Variants in FAAH2 observed in about 807,000 individuals in gnomAD.
FAAH2 encodes fatty acid amide hydrolase 2.
A neutral mutation model predicts 36.9 loss-of-function variants in FAAH2; 60 were observed. That is an observed-to-expected ratio of 1.63 (90% confidence interval 1.32 to 2.02). FAAH2 has a LOEUF of 2.02. FAAH2 is among the 30% of genes most tolerant of loss of function. The probability of loss-of-function intolerance (pLI) is 0.00; values close to 1 mark genes in which losing one functional copy is unlikely to be tolerated. For synonymous variants in FAAH2, 214 were observed against 143.8 expected, an observed-to-expected ratio of 1.49 and a Z score of -3.49; for missense variants, 689 against 397.5, an observed-to-expected ratio of 1.73 and a Z score of -6.23.
At chrX:57,191,456 AT>A in the FAAH2 span, among the ~76,000 whole-genome samples, 5 of 109,728 alleles carry the variant, frequency 4.6e-5, no homozygotes, top group African/African-American at 1.7e-4. Context: ...TCAATTTTTT[AT>A]TTTTTTTCGC....
At chrX:57,263,732 C>T in the FAAH2 span, among the ~76,000 whole-genome samples, 1 of 110,886 alleles carries the variant, frequency 9.0e-6, no homozygotes, top group Non-Finnish European at 1.9e-5. Flanking sequence ...TCTATTATAC[C>T]TAAATAAATC....
chrX:57,473,188 G>A (rs778087301), intron 10 of FAAH2, among the ~76,000 whole-genome samples: 1 of 110,858 alleles, frequency 9.0e-6, no homozygotes, highest in Non-Finnish European at 1.9e-5. Context: ...TTTCGTTTTA[G>A]CACTTTTTTG....
intron 7 of FAAH2, among the ~76,000 whole-genome samples, chrX:57,392,001 T>C (rs1480300105): frequency 3.6e-5 from 4 of 111,349 alleles, no homozygotes; most frequent in Admixed American, 9.6e-5. Context: ...CAGTGTTTTG[T>C]ATTTCTCCTT....
chrX:57,356,580 T>C (rs1399315260), intron 5 of FAAH2, among the ~76,000 whole-genome samples: 4 of 110,683 alleles, frequency 3.6e-5, no homozygotes, highest in Non-Finnish European at 7.6e-5. Context: ...TTTTTATTTC[T>C]GTGGCATCAT....
At chrX:57,306,690 TTGTGTGTGTGTGTG>T (rs758466450) in intron 2 of FAAH2, among the ~76,000 whole-genome samples, 3 of 68,608 alleles carry the variant, frequency 4.4e-5, no homozygotes, top group African/African-American at 6.3e-5. Flanking sequence ...TAGCAACATC[TTGTGTGTGTGTGTG>T]TGTGTGTGTG....
At chrX:57,212,075 T>C in the FAAH2 span, among the ~76,000 whole-genome samples, 1 of 110,942 alleles carries the variant, frequency 9.0e-6, no homozygotes, top group Non-Finnish European at 1.9e-5. Flanking sequence ...GTCTCTACAG[T>C]TTTTTAATTA....
At chrX:57,374,810 A>G (rs1318867265) in intron 5 of FAAH2, among the ~76,000 whole-genome samples, 1 of 110,773 alleles carries the variant, frequency 9.0e-6, no homozygotes, top group Non-Finnish European at 1.9e-5. Context: ...AATGCTTTCT[A>G]CTTTTCCCCG....
intron 5 of FAAH2, among the ~76,000 whole-genome samples, chrX:57,367,450 A>C (rs1040243454): frequency 8.9e-6 from 1 of 112,602 alleles, no homozygotes; most frequent in Non-Finnish European, 1.9e-5. Context: ...AAATAAAAAC[A>C]AAAGTTACAA....
chrX:57,272,379 A>G, the FAAH2 span, among the ~76,000 whole-genome samples: 29 of 111,487 alleles, frequency 2.6e-4, no homozygotes, highest in African/African-American at 9.5e-4. Context: ...AGACAGGACA[A>G]CATTCAAATT....
intron 5 of FAAH2, among the ~76,000 whole-genome samples, chrX:57,355,945 G>A (rs905011167): frequency 9.0e-6 from 1 of 110,902 alleles, no homozygotes; most frequent in Admixed American, 9.6e-5. Context: ...TTATTATGTT[G>A]AGGCAATTAT....
At chrX:57,151,277 G>C in the FAAH2 span, among the ~76,000 whole-genome samples, 1 of 111,028 alleles carries the variant, frequency 9.0e-6, no homozygotes, top group Non-Finnish European at 1.9e-5. Flanking sequence ...TTGTGGCATT[G>C]TCTGTATTTC....
In FAAH2 at chrX:57,342,455, A is replaced by G. The variant is rs144695070; in HGVS notation, c.742+1065A>G. 3.0e-3 allele frequency among the ~76,000 whole-genome samples: 334 copies of G among 111,479 alleles called. 3 individuals are homozygous for G. Among genetic ancestry groups the G allele is most frequent in the Non-Finnish European group, 5.7e-3 (304 of 53,008 alleles). ...ATACCTGGATGATGAAATAGTCTGT[A>G]GAACAAACCCCCATGACACGTTTAC... On this transcript the variant is annotated intron_variant, in intron 5 of 10. Coordinates refer to ENST00000374900, the MANE Select transcript of FAAH2 (RefSeq NM_174912.4).
intron 7 of FAAH2, among the ~76,000 whole-genome samples, chrX:57,402,721 A>G (rs936433282): frequency 1.3e-4 from 14 of 111,876 alleles, no homozygotes; most frequent in African/African-American, 4.5e-4. Flanking sequence ...AATAATTTAT[A>G]GGCTTCTTCC....
the FAAH2 span, among the ~76,000 whole-genome samples, chrX:57,265,798 G>T: frequency 9.0e-6 from 1 of 111,620 alleles, no homozygotes; most frequent in African/African-American, 3.3e-5. Context: ...GCCAACCTGG[G>T]GTGGAAGTGG....
intron 5 of FAAH2, among the ~76,000 whole-genome samples, chrX:57,359,770 A>C (rs2054244028): frequency 9.0e-6 from 1 of 111,265 alleles, no homozygotes; most frequent in African/African-American, 3.3e-5. Context: ...TACCTCTACC[A>C]GAGATCTTTG....
intron 10 of FAAH2, among the ~76,000 whole-genome samples, chrX:57,483,293 G>A (rs1377265128): frequency 2.7e-5 from 3 of 110,888 alleles, no homozygotes; most frequent in Admixed American, 9.6e-5. Context: ...CTTCTACTTG[G>A]TCTAGTCTAT....
chrX:57,215,276 C>A, the FAAH2 span, among the ~76,000 whole-genome samples: 2 of 111,147 alleles, frequency 1.8e-5, no homozygotes, highest in Non-Finnish European at 3.8e-5. Flanking sequence ...TACCATCTCA[C>A]GCCAGTCAGA....
At chrX:57,132,249 A>G in the FAAH2 span, among the ~76,000 whole-genome samples, 1 of 112,276 alleles carries the variant, frequency 8.9e-6, no homozygotes, top group Non-Finnish European at 1.9e-5. Flanking sequence ...CTGTTGGCCC[A>G]TTGCCAAAAT....
rs199916519 is a variant in FAAH2 at position 57,306,976 on chromosome X, TACAC to T, written c.276-3603_276-3600del. 4.8e-4 allele frequency among the ~76,000 whole-genome samples: 28 copies of T among 58,729 alleles called. 1 individual carries two copies. Among genetic ancestry groups the T allele is most frequent in the African/African-American group, 1.5e-3 (27 of 17,921 alleles). The allele number at this position is 58,729 out of a possible 115,157, so 51.0% of individuals were successfully genotyped here. A position where few individuals can be genotyped will look rare whatever the true frequency, so the allele number is the denominator to read the frequency against. Reference sequence around the variant, plus strand: ...ATATATGTATATATACACACACGTATACACACACACACACACAGATACATATATA... The same window carrying T: ...ATATATGTATATATACACACACGTATACACACACACACAGATACATATATA... On this transcript the variant is annotated intron_variant, in intron 2 of 10. Coordinates refer to ENST00000374900, the MANE Select transcript of FAAH2 (RefSeq NM_174912.4).
Sources: gnomAD v4.1 joint callset for allele counts (sites outside exome capture counted in the v4.1 genomes callset) on GRCh38, gnomAD v4.1.1 for gene constraint, MANE v1.5 for transcripts, NCBI Gene and HGNC (gene_info 2026-07-23, HGNC 2026-07-21) for gene names.